NR2F1-AS1: variants seen among roughly 807,000 people sequenced by gnomAD.
NR2F1-AS1 encodes the protein NR2F1 antisense RNA 1.
chr5:93,461,700 A>G (rs1750097980), intron 4 of NR2F1-AS1, among the ~76,000 whole-genome samples: 1 of 152,234 alleles, frequency 6.6e-6, no homozygotes, highest in Admixed American at 6.5e-5. Context: ...TTTATTTTTT[A>G]GATTAATTAT....
In NR2F1-AS1 at chr5:93,416,464, G is replaced by A. The variant is rs185296406; in HGVS notation, n.639-20922C>T. ...ATCTAGAATAAGATTCATTAATTTG[G>A]GTGAATTGAAAAAGACAAGCTTGAA... On this transcript the variant is annotated intron_variant and non_coding_transcript_variant, in intron 4 of 5. Coordinates refer to ENST00000660523, the Ensembl canonical transcript of NR2F1-AS1. Among the ~76,000 whole-genome samples the A allele has an allele frequency of 2.4e-3, 369 of 152,032 alleles. 2 individuals carry two copies. Among genetic ancestry groups the A allele is most frequent in the African/African-American group, 8.4e-3 (347 of 41,472 alleles).
chr5:93,440,221 C>A (rs1217282054), intron 4 of NR2F1-AS1, among the ~76,000 whole-genome samples: 1 of 151,322 alleles, frequency 6.6e-6, no homozygotes. Flanking sequence ...CTCTCTCTCA[C>A]ACACACACAC....
At chr5:93,554,932 A>T (rs1391483977) in exon 3 of NR2F1-AS1, 2 of 152,194 alleles carry the variant, frequency 1.3e-5, no homozygotes, top group African/African-American at 4.8e-5. Context: ...ATATGGAAAT[A>T]AGGAAATTTT....
chr5:93,545,100 C>A (rs1368729404), intron 4 of NR2F1-AS1, among the ~76,000 whole-genome samples: 1 of 152,010 alleles, frequency 6.6e-6, no homozygotes, highest in Non-Finnish European at 1.5e-5. Flanking sequence ...AGTGTGAGGA[C>A]AGTTTAGCAG....
intron 4 of NR2F1-AS1, among the ~76,000 whole-genome samples, chr5:93,418,545 C>T (rs987650957): frequency 7.2e-5 from 11 of 151,800 alleles, no homozygotes; most frequent in Non-Finnish European, 1.0e-4. Context: ...AAGATTGCAC[C>T]GCTGCAGTCC....
chr5:93,521,993 G>A (rs765463852), intron 4 of NR2F1-AS1, among the ~76,000 whole-genome samples: 1 of 152,118 alleles, frequency 6.6e-6, no homozygotes, highest in Non-Finnish European at 1.5e-5. Flanking sequence ...TAAAGAAAAT[G>A]TGGTACATAT....
At chr5:93,423,879 C>A (rs766622769) in intron 4 of NR2F1-AS1, among the ~76,000 whole-genome samples, 1 of 152,094 alleles carries the variant, frequency 6.6e-6, no homozygotes, top group Non-Finnish European at 1.5e-5. Context: ...GTAAAATTAT[C>A]GTCTCTTAGG....
chr5:93,430,380 A>G (rs1298783182), intron 4 of NR2F1-AS1, among the ~76,000 whole-genome samples: 1 of 152,202 alleles, frequency 6.6e-6, no homozygotes, highest in African/African-American at 2.4e-5. Flanking sequence ...GAGTGAGAGC[A>G]AGATTGATTG....
intron 2 of NR2F1-AS1, among the ~76,000 whole-genome samples, chr5:93,561,932 G>C (rs1244943966): frequency 6.6e-6 from 1 of 151,874 alleles, no homozygotes; most frequent in Admixed American, 6.6e-5. Flanking sequence ...ACAACATAAA[G>C]GTCACTTTTC....
chr5:93,562,195 A>AAAAAAG (rs755007063), intron 2 of NR2F1-AS1, among the ~76,000 whole-genome samples: 15 of 136,726 alleles, frequency 1.1e-4, no homozygotes, highest in Middle Eastern at 4.1e-3. Flanking sequence ...AAAAAAAAAA[A>AAAAAAG]AAAAGAAAAG....
chr5:93,546,699 T>A (rs1055714899), intron 4 of NR2F1-AS1, among the ~76,000 whole-genome samples: 6 of 152,202 alleles, frequency 3.9e-5, no homozygotes, highest in South Asian at 2.1e-4. Context: ...CCTAATATAT[T>A]CTTTGATGAT....
At chr5:93,507,791 AT>A (rs1472588666) in intron 4 of NR2F1-AS1, among the ~76,000 whole-genome samples, 1 of 152,208 alleles carries the variant, frequency 6.6e-6, no homozygotes, top group African/African-American at 2.4e-5. Context: ...GTTACTGGGA[AT>A]AAGATCAATA....
At chr5:93,410,576 C>T (rs1748834283) in intron 4 of NR2F1-AS1, 2 of 152,168 alleles carry the variant, frequency 1.3e-5, no homozygotes, top group African/African-American at 2.4e-5. Context: ...TTATGAGAGC[C>T]TAACTAATGC....
chr5:93,492,919 C>G (rs558989353), intron 4 of NR2F1-AS1, among the ~76,000 whole-genome samples: 1 of 150,942 alleles, frequency 6.6e-6, no homozygotes, highest in Non-Finnish European at 1.5e-5. Context: ...TTATGAAAAA[C>G]CCATAGCTAA....
Position 93,466,905 on chromosome 5 carries a change from G to GGT in NR2F1-AS1, n.639-71364_639-71363insAC, listed in dbSNP as rs1554065108. Among the ~76,000 whole-genome samples the GGT allele has an allele frequency of 1.2e-3, 25 of 21,638 alleles. 1 individual carries two copies. The highest frequency in any genetic ancestry group is 2.3e-3 in the Non-Finnish European group (20 of 8,724). The allele number at this position is 21,638 out of a possible 152,430, so 14.2% of individuals were successfully genotyped here. Reference sequence around the variant, plus strand: ...TCCTTCTCCAGAATATCCCTTTTTTGGGGGGGGGGGGGGTGGACGGAGTCT... The same window carrying GGT: ...TCCTTCTCCAGAATATCCCTTTTTTGGTGGGGGGGGGGGGGTGGACGGAGTCT... On this transcript the variant is annotated intron_variant and non_coding_transcript_variant, in intron 4 of 5. Coordinates refer to ENST00000660523, the Ensembl canonical transcript of NR2F1-AS1.
chr5:93,416,085 G>T (rs1036476509), intron 4 of NR2F1-AS1, among the ~76,000 whole-genome samples: 1 of 152,156 alleles, frequency 6.6e-6, no homozygotes, highest in African/African-American at 2.4e-5. Context: ...TCTCATGCAG[G>T]ACATTACAGT....
At chr5:93,499,422 C>T (rs1210398268) in intron 4 of NR2F1-AS1, among the ~76,000 whole-genome samples, 1 of 152,190 alleles carries the variant, frequency 6.6e-6, no homozygotes, top group East Asian at 1.9e-4. Flanking sequence ...TGGTAATTCT[C>T]ACAATATTTC....
At chr5:93,553,208 C>T (rs78678216) in intron 4 of NR2F1-AS1, among the ~76,000 whole-genome samples, 1,827 of 149,916 alleles carry the variant, frequency 0.012, 49 homozygotes, top group African/African-American at 0.043. Flanking sequence ...CACCTCACTG[C>T]GACCCCTGCC....
intron 4 of NR2F1-AS1, among the ~76,000 whole-genome samples, chr5:93,468,062 C>T (rs559029748): frequency 5.3e-5 from 8 of 152,292 alleles, no homozygotes; most frequent in African/African-American, 1.4e-4. Context: ...CATTGATGGA[C>T]ATTTGGGTTG....
Sources: allele counts gnomAD v4.1 joint callset (sites outside exome capture counted in the v4.1 genomes callset), GRCh38; gene constraint gnomAD v4.1.1; transcripts MANE v1.5; gene names NCBI Gene and HGNC (gene_info 2026-07-23, HGNC 2026-07-21).